CDK14: variants seen among roughly 807,000 people sequenced by gnomAD.
CDK14 encodes the protein cyclin dependent kinase 14.
CDK14 carries 34 observed loss-of-function variants against 60.7 expected under a neutral mutation model. The observed-to-expected ratio is 0.56, with a 90% confidence interval of 0.43 to 0.75. The LOEUF is 0.75. CDK14 is among the 30% of genes least tolerant of loss of function. The pLI, the probability that CDK14 is intolerant of heterozygous loss-of-function variation, is 0.00. For synonymous variants in CDK14, 197 were observed against 203.7 expected (o/e 0.97, Z 0.28); for missense variants, 482 against 564.1 (o/e 0.85, Z 1.47).
At chr7:90,921,457 T>A (rs1793249045) in intron 8 of CDK14, among the ~76,000 whole-genome samples, 1 of 152,210 alleles carries the variant, frequency 6.6e-6, no homozygotes, top group South Asian at 2.1e-4. Context: ...TTTTCATTTG[T>A]TCATCTATTT....
At chr7:91,120,974 A>G (rs1377369683) in intron 14 of CDK14, among the ~76,000 whole-genome samples, 1 of 152,244 alleles carries the variant, frequency 6.6e-6, no homozygotes, top group African/African-American at 2.4e-5. Context: ...GTTTTCTGTC[A>G]GTCAGCAGAA....
intron 2 of CDK14, among the ~76,000 whole-genome samples, chr7:90,696,075 G>T (rs768415523): frequency 6.6e-6 from 1 of 152,178 alleles, no homozygotes; most frequent in Non-Finnish European, 1.5e-5. Flanking sequence ...TGTGTTGGTC[G>T]CCTGTATTAG....
chr7:90,731,332 G>C (rs1802857635), intron 3 of CDK14, among the ~76,000 whole-genome samples: 2 of 150,170 alleles, frequency 1.3e-5, no homozygotes, highest in Admixed American at 1.3e-4. Flanking sequence ...TCTTGGCTAT[G>C]CAGGCTCCAT....
At chr7:91,081,557 A>T (rs1311432277) in intron 12 of CDK14, among the ~76,000 whole-genome samples, 2 of 152,206 alleles carry the variant, frequency 1.3e-5, no homozygotes, top group Non-Finnish European at 2.9e-5. Flanking sequence ...GCTTTTAAAA[A>T]TATGTATTAA....
chr7:90,833,311 A>G (rs938085893), intron 5 of CDK14, among the ~76,000 whole-genome samples: 1 of 152,198 alleles, frequency 6.6e-6, no homozygotes, highest in Admixed American at 6.6e-5. Flanking sequence ...TGTACAATGT[A>G]TCTGCATGTC....
chr7:90,768,972 A>G (rs926059391), intron 4 of CDK14, among the ~76,000 whole-genome samples: 1 of 152,054 alleles, frequency 6.6e-6, no homozygotes, highest in Non-Finnish European at 1.5e-5. Flanking sequence ...GGCTTTTTTG[A>G]ACAAAAGAGT....
chr7:90,744,874 G>A (rs950539635), intron 3 of CDK14, among the ~76,000 whole-genome samples: 1 of 143,922 alleles, frequency 6.9e-6, no homozygotes, highest in Non-Finnish European at 1.5e-5. Flanking sequence ...CTCCCGGACG[G>A]GGCGGCTGGC....
chr7:91,011,520 A>G (rs1796158808), intron 10 of CDK14, among the ~76,000 whole-genome samples: 1 of 152,122 alleles, frequency 6.6e-6, no homozygotes, highest in African/African-American at 2.4e-5. Flanking sequence ...GTTTCCTAAT[A>G]TATTTTGTTT....
At chr7:90,985,152 G>A (rs1219869498) in intron 10 of CDK14, among the ~76,000 whole-genome samples, 1 of 152,148 alleles carries the variant, frequency 6.6e-6, no homozygotes, top group Admixed American at 6.6e-5. Flanking sequence ...TAACTTTCCT[G>A]TAAATCTAAA....
At chr7:90,676,727 G>A (rs555763694) in intron 2 of CDK14, among the ~76,000 whole-genome samples, 2 of 151,848 alleles carry the variant, frequency 1.3e-5, no homozygotes, top group African/African-American at 4.8e-5. Flanking sequence ...GTAAAGATGG[G>A]GTCTCACTAT....
intron 10 of CDK14, among the ~76,000 whole-genome samples, chr7:91,005,884 C>G (rs190825260): frequency 2.7e-4 from 41 of 152,316 alleles, no homozygotes; most frequent in Admixed American, 2.5e-3. Flanking sequence ...TTTTTAGAAC[C>G]AAACCGGATT....
At chr7:90,733,835 A>G (rs967728667) in intron 3 of CDK14, among the ~76,000 whole-genome samples, 6 of 152,102 alleles carry the variant, frequency 3.9e-5, no homozygotes, top group African/African-American at 1.4e-4. Context: ...TTAGGTGTGA[A>G]TTCGATCGTG....
intron 6 of CDK14, among the ~76,000 whole-genome samples, chr7:90,882,969 GA>G (rs1791812215): frequency 6.6e-6 from 1 of 152,050 alleles, no homozygotes; most frequent in Non-Finnish European, 1.5e-5. Context: ...TTATAGCACT[GA>G]ATGCTCGCAT....
chr7:90,955,628 C>T (rs1051186763), intron 8 of CDK14, 69 bp from the exon 9 acceptor site: 45 of 1,567,640 alleles, frequency 2.9e-5, no homozygotes, highest in Middle Eastern at 1.7e-4. Context: ...AGAATGTGAA[C>T]GTTCAAATTT....
intron 8 of CDK14, among the ~76,000 whole-genome samples, chr7:90,946,897 T>G (rs1794118606): frequency 6.6e-6 from 1 of 152,200 alleles, no homozygotes; most frequent in Non-Finnish European, 1.5e-5. Flanking sequence ...GCTGTTACCC[T>G]GCAAGCCATC....
intron 13 of CDK14, among the ~76,000 whole-genome samples, chr7:91,117,788 A>C (rs1799653019): frequency 6.6e-6 from 1 of 152,084 alleles, no homozygotes. Context: ...GGAAGGGCAA[A>C]ATATGTTGTT....
chr7:90,885,862 G>T (rs1791927443), intron 6 of CDK14, among the ~76,000 whole-genome samples: 1 of 152,082 alleles, frequency 6.6e-6, no homozygotes, highest in African/African-American at 2.4e-5. Flanking sequence ...GTTGAACATT[G>T]AGAACACATG....
intron 3 of CDK14, among the ~76,000 whole-genome samples, chr7:90,739,473 A>G (rs1043489484): frequency 6.6e-6 from 1 of 152,094 alleles, no homozygotes. Flanking sequence ...TAAGTTTAAT[A>G]TGGTCTATGT....
intron 11 of CDK14, among the ~76,000 whole-genome samples, chr7:91,069,307 G>C (rs531417866): frequency 1.3e-5 from 2 of 152,230 alleles, no homozygotes; most frequent in Admixed American, 6.5e-5. Context: ...AGGAGGCTGA[G>C]GCGGGAGGAT....
Sources: gnomAD v4.1 joint callset for allele counts (sites outside exome capture counted in the v4.1 genomes callset) on GRCh38, gnomAD v4.1.1 for gene constraint, MANE v1.5 for transcripts, NCBI Gene and HGNC (gene_info 2026-07-23, HGNC 2026-07-21) for gene names.